The following BDH1 variants were observed in gnomAD, a reference collection of about 807,000 sequenced individuals.
BDH1 encodes D-beta-hydroxybutyrate dehydrogenase, mitochondrial.
BDH1 carries 30 observed loss-of-function variants against 33.1 expected under a neutral mutation model. The ratio of observed to expected loss-of-function variants is 0.91; its 90% CI spans 0.68 to 1.23. The LOEUF (loss-of-function observed/expected upper bound fraction) is 1.23, where lower values mean the gene tolerates loss of function less well. Ranked by LOEUF, BDH1 falls within the 50% of genes most tolerant of loss-of-function variation. The probability of loss-of-function intolerance (pLI) is 0.00; values close to 1 mark genes in which losing one functional copy is unlikely to be tolerated. For synonymous variants in BDH1, 190 were observed against 183.6 expected, an observed-to-expected ratio of 1.03 and a Z score of -0.28; for missense variants, 443 against 464.4, an observed-to-expected ratio of 0.95 and a Z score of 0.42.
Position 197,522,570 on chromosome 3 carries a change from G to C in BDH1, c.409+70C>G, listed in dbSNP as rs1713665570. On this transcript the variant is annotated intron_variant, in intron 6 of 7. Coordinates refer to ENST00000392379, the MANE Select transcript of BDH1 (RefSeq NM_203314.3). The surrounding 1 kb of genome is among the most constrained non-coding windows in gnomAD (Gnocchi z 4.8). ...GGTGGCAGGATGCCAGCCAGTGGAA[G>C]GTGGTGTTCGGCAAGTGCCCCTTGG... is the stretch of plus-strand genomic sequence containing the variant. 5.7e-6 allele frequency: 9 copies of C among 1,588,104 alleles called. No homozygotes were observed. Among genetic ancestry groups the C allele is most frequent in the Non-Finnish European group, 7.7e-6 (9 of 1,164,930 alleles).
rs1469823992 is a variant in BDH1 at position 197,512,110 on chromosome 3, C to T, written c.817G>A (p.Gly273Ser). The T allele has an allele frequency of 6.2e-6, 10 of 1,614,196 alleles. No homozygotes were observed. Among genetic ancestry groups the T allele is most frequent in the Non-Finnish European group, 8.5e-6 (10 of 1,180,038 alleles). Residue 273 changes from glycine to serine, a missense_variant, in exon 8 of 8, where the codon GGC becomes AGC. Gly to Ser is a moderately conservative substitution (Grantham distance 56). Coordinates refer to ENST00000392379, the MANE Select transcript of BDH1 (RefSeq NM_203314.3). ...ELPEVVRKDYGKKYFDEKIAK... is the reference protein window; with the variant it reads ...ELPEVVRKDYSKKYFDEKIAK... Reference sequence around the variant, plus strand: ...ATCTTTTCATCAAAGTACTTCTTGCCGTAGTCCTTGCGCACGACCTCAGGC... The same window carrying T: ...ATCTTTTCATCAAAGTACTTCTTGCTGTAGTCCTTGCGCACGACCTCAGGC...
chr3:197,516,894 A>G lies in BDH1; in HGVS notation c.410-2478T>C, dbSNP rs188130843. Among the ~76,000 whole-genome samples, 21 of 152,150 alleles carry G rather than the reference A, an allele frequency of 1.4e-4. No homozygotes were observed. The East Asian group carries it at 4.1e-3, about 29-fold the overall frequency. ...CTGATCCTCACAACCACCCTGGAAA[A>G]TAGATCCTAAATTGTCTCATATCCG... On this transcript the variant is annotated intron_variant, in intron 6 of 7. Coordinates refer to ENST00000392379, the MANE Select transcript of BDH1 (RefSeq NM_203314.3). This position sits in a 1 kb window ranked among gnomAD's most constrained non-coding sequence, Gnocchi z 4.2.
intron 3 of BDH1, among the ~76,000 whole-genome samples, chr3:197,536,228 A>C (rs1471857344): frequency 6.6e-6 from 1 of 152,154 alleles, no homozygotes; most frequent in Non-Finnish European, 1.5e-5. Context: ...TTGGTTGGGC[A>C]TATTTGGGTG....
In BDH1 at chr3:197,514,820, T is replaced by A. The variant is rs1712514836; in HGVS notation, c.410-404A>T. On this transcript the variant is annotated intron_variant, in intron 6 of 7. Transcript: ENST00000392379. This position sits in a 1 kb window ranked among gnomAD's most constrained non-coding sequence, Gnocchi z 4.2. ...TGTTTACTCATCTCTGCCCTTGAGC[T>A]TTTGCTCACGTCTTCTCTTCTCTTG... Among the ~76,000 whole-genome samples, 1 of 152,188 alleles carries A rather than the reference T, an allele frequency of 6.6e-6. No individual in the cohort carries two copies. Among genetic ancestry groups the A allele is most frequent in the South Asian group, 2.1e-4 (1 of 4,832 alleles).
At position 197,526,365 on chromosome 3, in the gene BDH1, G is replaced by T. The variant is rs1053675041; in HGVS notation, c.268-3584C>A. ...TTCTGACCCTTCCAAGGTTGGATCC[G>T]GGGCAGCAAATTAGGGGCAAGACTG... On this transcript the variant is annotated intron_variant, in intron 5 of 7. Transcript: ENST00000392379. The surrounding 1 kb of genome is among the most constrained non-coding windows in gnomAD (Gnocchi z 4.7). 6.6e-6 allele frequency among the ~76,000 whole-genome samples: 1 copy of T among 152,170 alleles called. No homozygotes were observed. Among genetic ancestry groups the T allele is most frequent in the Admixed American group, 6.5e-5 (1 of 15,284 alleles).
chr3:197,568,082 C>A (rs1186395441), intron 1 of BDH1, among the ~76,000 whole-genome samples: 1 of 152,126 alleles, frequency 6.6e-6, no homozygotes, highest in African/African-American at 2.4e-5. Flanking sequence ...TCTTCTCTGC[C>A]CTCAGTATTA....
chr3:197,514,110 A>G lies in BDH1; in HGVS notation c.562+154T>C, dbSNP rs1218492969. 3 of 1,051,576 alleles carry G rather than the reference A, an allele frequency of 2.9e-6. No individual in the cohort carries two copies. Among genetic ancestry groups the G allele is most frequent in the East Asian group, 2.9e-5 (1 of 34,664 alleles). The allele number at this position is 1,051,576 out of a possible 1,614,324, so 65.1% of individuals were successfully genotyped here. A position where few individuals can be genotyped will look rare whatever the true frequency, so the allele number is the denominator to read the frequency against. ...CCCGGCCACAGCCCCTCTGCCCACC[A>G]TCACCCCAGGCCCAGCATAGTCCCT... On this transcript the variant is annotated intron_variant, in intron 7 of 7. Transcript: ENST00000392379. The surrounding 1 kb of genome is among the most constrained non-coding windows in gnomAD (Gnocchi z 4.2).
At chr3:197,535,367 C>T (rs780521248) in intron 3 of BDH1, among the ~76,000 whole-genome samples, 48 of 152,170 alleles carry the variant, frequency 3.2e-4, no homozygotes, top group Admixed American at 1.7e-3. Flanking sequence ...CTATGACGTG[C>T]CTTTTTATCC....
chr3:197,559,384 C>T (rs1412251656), upstream of BDH1, among the ~76,000 whole-genome samples: 1 of 152,116 alleles, frequency 6.6e-6, no homozygotes, highest in African/African-American at 2.4e-5. Context: ...TTGAGTGTAT[C>T]CCCTGTGAGA....
In BDH1 at chr3:197,532,504, G is replaced by A. The variant is rs997887092; in HGVS notation, c.175C>T (p.Leu59=). 6.2e-7 allele frequency: 1 copy of A among 1,613,954 alleles called. No homozygotes were observed. The highest frequency in any genetic ancestry group is 2.2e-5 in the East Asian group (1 of 44,900). Residue 59 remains leucine, a synonymous_variant, in exon 5 of 8, where the codon CTG becomes TTG. Transcript: ENST00000392379. The part of the protein sequence containing the change: ...AAEPVGSKAV[L]VTGCDSGFGF... Reference sequence around the variant, plus strand: ...AATCCAGAGTCACAGCCTGTGACCAGGACAGCTTTGCTGCCAACCTGTTTT... The same window carrying A: ...AATCCAGAGTCACAGCCTGTGACCAAGACAGCTTTGCTGCCAACCTGTTTT...
chr3:197,517,151 T>C (rs1167491908), intron 6 of BDH1, among the ~76,000 whole-genome samples: 2 of 151,954 alleles, frequency 1.3e-5, no homozygotes, highest in Admixed American at 1.3e-4. Flanking sequence ...TGGGTCTGTT[T>C]GTCTCACTCA....
chr3:197,548,426 C>T (rs1301182555), intron 2 of BDH1, among the ~76,000 whole-genome samples: 12 of 152,254 alleles, frequency 7.9e-5, no homozygotes, highest in Admixed American at 7.9e-4. Context: ...CTTTCCACCC[C>T]TTAGCTCAAT....
intron 2 of BDH1, among the ~76,000 whole-genome samples, chr3:197,552,101 T>C (rs996820640): frequency 1.3e-5 from 2 of 152,356 alleles, no homozygotes; most frequent in Middle Eastern, 3.4e-3. Context: ...GAATGTTTAC[T>C]ACGTATCTCA....
Position 197,539,737 on chromosome 3 carries a change from G to A in BDH1, c.84-6176C>T, listed in dbSNP as rs151026652. Among the ~76,000 whole-genome samples, 474 of 152,258 alleles carry A rather than the reference G, an allele frequency of 3.1e-3. 3 individuals are homozygous for A. The highest frequency in any genetic ancestry group is 1.0e-2 in the African/African-American group (414 of 41,528). ...GCCCCGACCCAGGAACTGACTCAGCGCAAGAAGACAGCTTCAATTTCCCAT... is the reference window on the plus strand; with the variant it reads ...GCCCCGACCCAGGAACTGACTCAGCACAAGAAGACAGCTTCAATTTCCCAT... On this transcript the variant is annotated intron_variant, in intron 3 of 7. Transcript: ENST00000392379.
At chr3:197,564,810 G>A (rs1364254516) in intron 1 of BDH1, among the ~76,000 whole-genome samples, 5 of 152,154 alleles carry the variant, frequency 3.3e-5, no homozygotes, top group Non-Finnish European at 7.3e-5. Flanking sequence ...AGGTTATAAA[G>A]GTTATGAAAG....
chr3:197,515,718 G>A (rs374105411), intron 6 of BDH1: 120 of 952,426 alleles, frequency 1.3e-4, no homozygotes, highest in Non-Finnish European at 1.4e-4. Flanking sequence ...CTCCCTCCAC[G>A]CCAGGCTTCC....
intron 3 of BDH1, among the ~76,000 whole-genome samples, chr3:197,544,229 C>T (rs1715893077): frequency 6.6e-6 from 1 of 152,146 alleles, no homozygotes; most frequent in South Asian, 2.1e-4. Context: ...CATACCTTCA[C>T]CCTACGACAT....
At chr3:197,549,620 G>A (rs1716384614) in intron 2 of BDH1, among the ~76,000 whole-genome samples, 1 of 152,360 alleles carries the variant, frequency 6.6e-6, no homozygotes, top group East Asian at 1.9e-4. Flanking sequence ...CAAGTGGGAG[G>A]CAAAGGTCCT....
rs1560296787 is a variant in BDH1, at chr3:197,510,674, A to AGTGTGTGTGTGTGTGTGTG, written c.*1220_*1221insCACACACACACACACACAC. ...TGTGTGTGTGTGTGTGTGTGTGTACATGTGTGTAAGGTGTGTGTGTGTGTG... is the reference window on the plus strand; with the variant it reads ...TGTGTGTGTGTGTGTGTGTGTGTACAGTGTGTGTGTGTGTGTGTGTGTGTGTAAGGTGTGTGTGTGTGTG... On this transcript the variant is annotated 3_prime_UTR_variant, in exon 8 of 8. Transcript: ENST00000392379. 2.7e-5 allele frequency: 1 copy of AGTGTGTGTGTGTGTGTGTG among 37,300 alleles called. No homozygotes were observed. The highest frequency in any genetic ancestry group is 9.0e-5 in the African/African-American group (1 of 11,128). The allele number at this position is 37,300 out of a possible 1,614,324, so 2.3% of individuals were successfully genotyped here. A position where few individuals can be genotyped will look rare whatever the true frequency, so the allele number is the denominator to read the frequency against.
Sources: allele counts gnomAD v4.1 joint callset (sites outside exome capture counted in the v4.1 genomes callset), GRCh38; gene constraint gnomAD v4.1.1; non-coding constraint Gnocchi (gnomAD v3.1); transcripts MANE v1.5; gene names NCBI Gene and HGNC (gene_info 2026-07-23, HGNC 2026-07-21).